The following RMDN3 variants were observed in gnomAD, a reference collection of about 807,000 sequenced individuals.
RMDN3 encodes regulator of microtubule dynamics protein 3.
A neutral mutation model predicts 61.8 loss-of-function variants in RMDN3; 41 were observed. The observed-to-expected ratio is 0.66, with a 90% CI of 0.52 to 0.86. The LOEUF is 0.86. Among genes scored for constraint, RMDN3 ranks in the 40% least tolerant of loss-of-function variants. RMDN3 has a pLI of 0.00. For synonymous variants in RMDN3, 247 were observed against 232.0 expected, an observed-to-expected ratio of 1.06 and a Z score of -0.59; for missense variants, 557 against 585.3, an observed-to-expected ratio of 0.95 and a Z score of 0.50.
intron 4 of RMDN3, among the ~76,000 whole-genome samples, chr15:40,751,158 T>G (rs1432569154): frequency 1.3e-5 from 2 of 152,226 alleles, no homozygotes; most frequent in African/African-American, 4.8e-5. Flanking sequence ...CAAGTCCTTG[T>G]GATAACACAG....
At chr15:40,752,496 A>G (rs544619305) in intron 2 of RMDN3, among the ~76,000 whole-genome samples, 1 of 118,744 alleles carries the variant, frequency 8.4e-6, no homozygotes, top group Non-Finnish European at 1.9e-5. Context: ...GTTAAAAAAA[A>G]ACAAAAACCT....
chr15:40,740,537 TCAAA>T (rs1897240211), intron 6 of RMDN3, among the ~76,000 whole-genome samples: 1 of 152,016 alleles, frequency 6.6e-6, no homozygotes, highest in Non-Finnish European at 1.5e-5. Flanking sequence ...TCCCAGCTAC[TCAAA>T]AGGCTGAGGC....
At position 40,736,555 on chromosome 15, in the gene RMDN3, T is replaced by G; in HGVS notation, c.1399A>C (p.Ile467Leu). ...IQKDLEELEVILRD is the reference protein window; with the variant it reads ...IQKDLEELEVLLRD ...GTGAAACGTGGTTAGTCTCGTAAAATGACTTCCAGTTCTTCCAGGTCCTTC... is the reference window on the plus strand; with the variant it reads ...GTGAAACGTGGTTAGTCTCGTAAAAGGACTTCCAGTTCTTCCAGGTCCTTC... The change falls in exon 13 of 13, where the codon ATT becomes CTT. Residue 467 changes from isoleucine (I) to leucine (L), a missense_variant. Ile to Leu is a conservative substitution (Grantham distance 5). Coordinates refer to ENST00000338376, the MANE Select transcript of RMDN3 (RefSeq NM_018145.3). 1 of 1,613,970 alleles carries G rather than the reference T, an allele frequency of 6.2e-7. No homozygotes were observed. Among genetic ancestry groups the G allele is most frequent in the Non-Finnish European group, 8.5e-7 (1 of 1,179,936 alleles).
At chr15:40,754,491 A>T in intron 2 of RMDN3, 106 bp downstream of exon 2, 1 of 1,176,400 alleles carries the variant, frequency 8.5e-7, no homozygotes, top group Non-Finnish European at 1.2e-6. Context: ...GTGAAACCCT[A>T]AAGCACTTCT....
At chr15:40,743,524 C>G (rs1596045633) in intron 6 of RMDN3, among the ~76,000 whole-genome samples, 2 of 152,290 alleles carry the variant, frequency 1.3e-5, no homozygotes, top group Admixed American at 1.3e-4. Flanking sequence ...ACATCAGTCT[C>G]TAAAGTCCAA....
intron 4 of RMDN3, 149 bp from the exon 5 acceptor site, chr15:40,745,408 TTTTC>T (rs1309684940): frequency 7.1e-6 from 5 of 702,044 alleles, no homozygotes; most frequent in Middle Eastern, 6.9e-4. Flanking sequence ...GGCAGACTTT[TTTTC>T]TTTTTTTTTT....
chr15:40,736,653 A>C lies in RMDN3; in HGVS notation c.1360-59T>G. 3 of 1,494,708 alleles carry C rather than the reference A, an allele frequency of 2.0e-6. No homozygotes were observed. The South Asian group carries it at 3.4e-5, about 17-fold the overall frequency. 92.6% of individuals were successfully genotyped at this position (1,494,708 alleles called of 1,614,324 possible). On this transcript the variant is annotated intron_variant, in intron 12 of 12. Transcript: ENST00000338376. ...ATTTAAACCAGCATTTTCCCAAACC[A>C]GTGGAACCTAAGAAGAGGGGCCCTT...
rs750943095 is a variant in RMDN3, at chr15:40,744,139, C to T, written c.818G>A (p.Arg273Gln). 54 of 1,613,392 alleles carry T rather than the reference C, an allele frequency of 3.3e-5. No individual in the cohort carries two copies. The highest frequency in any genetic ancestry group is 2.7e-4 in the South Asian group (25 of 91,074). Residue 273 changes from arginine (R) to glutamine (Q), a missense_variant, in exon 6 of 13, where the codon CGG becomes CAG. Physicochemically the swap from Arg to Gln is conservative, Grantham distance 43. Coordinates refer to ENST00000338376, the MANE Select transcript of RMDN3 (RefSeq NM_018145.3). ...LLNNKLVYGSRQDFLWRLARA... is the reference protein window; with the variant it reads ...LLNNKLVYGSQQDFLWRLARA... ...GGCCAGGCGCCAGAGAAAGTCCTGCCGGCTTCCATACTGCAGACCAGACAG... is the reference window on the plus strand; with the variant it reads ...GGCCAGGCGCCAGAGAAAGTCCTGCTGGCTTCCATACTGCAGACCAGACAG...
intron 4 of RMDN3, among the ~76,000 whole-genome samples, 153 bp from the exon 5 acceptor site, chr15:40,745,412 CTT>C (rs376519039): frequency 2.4e-4 from 31 of 130,276 alleles, no homozygotes; most frequent in Non-Finnish European, 2.8e-4. Flanking sequence ...GACTTTTTTT[CTT>C]TTTTTTTTTT....
chr15:40,749,141 G>C (rs1267079608), intron 4 of RMDN3, among the ~76,000 whole-genome samples: 1 of 152,216 alleles, frequency 6.6e-6, no homozygotes, highest in African/African-American at 2.4e-5. Flanking sequence ...GATCTCAGGT[G>C]ATCTACCTGC....
intron 4 of RMDN3, among the ~76,000 whole-genome samples, chr15:40,748,865 G>C (rs1897691279): frequency 1.3e-5 from 2 of 149,900 alleles, no homozygotes; most frequent in Admixed American, 6.7e-5. Context: ...CTCCCAAAGT[G>C]CTGGGATTAT....
intron 4 of RMDN3, among the ~76,000 whole-genome samples, chr15:40,750,225 T>C (rs1185137109): frequency 6.9e-6 from 1 of 144,766 alleles, no homozygotes; most frequent in Admixed American, 6.9e-5. Context: ...TTTTTTTTTT[T>C]TTTTTTTTCT....
chr15:40,738,947 A>G (rs1897173941), intron 7 of RMDN3: 1 of 196,052 alleles, frequency 5.1e-6, no homozygotes, highest in African/African-American at 2.3e-5. Context: ...AGACCTGACT[A>G]TACTACTTAT....
At chr15:40,741,619 G>GTTT (rs1333820266) in intron 6 of RMDN3, among the ~76,000 whole-genome samples, 3 of 60,986 alleles carry the variant, frequency 4.9e-5, no homozygotes, top group Non-Finnish European at 6.8e-5. Context: ...TGCAACATAG[G>GTTT]ATTTTTTTTT....
intron 4 of RMDN3, among the ~76,000 whole-genome samples, chr15:40,750,766 C>G (rs1396282087): frequency 6.6e-6 from 1 of 152,224 alleles, no homozygotes; most frequent in Non-Finnish European, 1.5e-5. Context: ...CACAGGCTAC[C>G]TGAATAACTG....
At chr15:40,746,312 A>T (rs567110666) in intron 4 of RMDN3, among the ~76,000 whole-genome samples, 1 of 152,038 alleles carries the variant, frequency 6.6e-6, no homozygotes, top group Non-Finnish European at 1.5e-5. Flanking sequence ...TCAGGAGATC[A>T]AGACCATCCT....
At chr15:40,749,165 C>T (rs555573970) in intron 4 of RMDN3, among the ~76,000 whole-genome samples, 8 of 152,078 alleles carry the variant, frequency 5.3e-5, no homozygotes, top group East Asian at 1.9e-4. Context: ...GGCCTCCCAA[C>T]GTGCTGGGAT....
chr15:40,746,093 G>A (rs780336877), intron 4 of RMDN3, among the ~76,000 whole-genome samples: 3 of 152,222 alleles, frequency 2.0e-5, no homozygotes, highest in Non-Finnish European at 4.4e-5. Context: ...CAACCCTGAT[G>A]CACCCACTAA....
Position 40,736,581 on chromosome 15 carries a change from T to A in RMDN3, c.1373A>T (p.Gln458Leu). 3 of 1,614,058 alleles carry A rather than the reference T, an allele frequency of 1.9e-6. No homozygotes were observed. The highest frequency in any genetic ancestry group is 2.2e-5 in the South Asian group (2 of 91,082). The change falls in exon 13 of 13, where the codon CAG (glutamine) becomes CTG (leucine). Residue 458 changes from glutamine to leucine, a missense_variant. Coordinates refer to ENST00000338376, the MANE Select transcript of RMDN3 (RefSeq NM_018145.3). ...GACTTCCAGTTCTTCCAGGTCCTTCTGGATAGCCAAATCCTAGGGAGACAA... is the reference window on the plus strand; with the variant it reads ...GACTTCCAGTTCTTCCAGGTCCTTCAGGATAGCCAAATCCTAGGGAGACAA... Reference protein sequence around the residue: ...PDVTKEDLAIQKDLEELEVIL... With the variant: ...PDVTKEDLAILKDLEELEVIL...
Sources: gnomAD v4.1 joint callset for allele counts (sites outside exome capture counted in the v4.1 genomes callset) on GRCh38, gnomAD v4.1.1 for gene constraint, MANE v1.5 for transcripts, NCBI Gene and HGNC (gene_info 2026-07-23, HGNC 2026-07-21) for gene names.